Variants in ACVR2B observed in about 807,000 individuals in gnomAD.
The protein encoded by ACVR2B is activin receptor type-2B.
Under a neutral mutation model 65.1 loss-of-function variants are expected in ACVR2B, and 18 were observed. That is an observed-to-expected ratio of 0.28 (90% CI 0.19 to 0.41). The LOEUF is 0.41. Ranked by LOEUF, ACVR2B falls within the 10% of genes least tolerant of loss-of-function variation. The pLI, the probability that ACVR2B is intolerant of heterozygous loss-of-function variation, is 1.00. For missense variants in ACVR2B, 482 were observed against 682.7 expected, an observed-to-expected ratio of 0.71 and a Z score of 3.28; for synonymous variants, 298 against 277.7, an observed-to-expected ratio of 1.07 and a Z score of -0.73.
At chr3:38,458,181 A>G (rs1262283713) in intron 1 of ACVR2B, among the ~76,000 whole-genome samples, 1 of 152,138 alleles carries the variant, frequency 6.6e-6, no homozygotes, top group Non-Finnish European at 1.5e-5. Context: ...CTGGGCATCA[A>G]GAATCTCCAG....
intron 1 of ACVR2B, among the ~76,000 whole-genome samples, chr3:38,457,339 A>C (rs1463551618): frequency 6.6e-6 from 1 of 152,188 alleles, no homozygotes; most frequent in Non-Finnish European, 1.5e-5. Flanking sequence ...AACATCCTCA[A>C]CTCTAACTTT....
In ACVR2B at chr3:38,477,528, C is replaced by A. The variant is rs769479767; in HGVS notation, c.260+34C>A. Reference sequence around the variant, plus strand: ...AGACTTGCCCTCCTTTCCTCTTGGACCCACCTGCGCTTATACTGCCCACTG... The same window carrying A: ...AGACTTGCCCTCCTTTCCTCTTGGAACCACCTGCGCTTATACTGCCCACTG... On this transcript the variant is annotated intron_variant, in intron 2 of 10. Coordinates refer to ENST00000352511, the MANE Select transcript of ACVR2B (RefSeq NM_001106.4). The surrounding 1 kb of genome is among the most constrained non-coding windows in gnomAD (Gnocchi z 6.7). The A allele has an allele frequency of 2.6e-5, 42 of 1,602,878 alleles. No individual in the cohort carries two copies. The Admixed American group carries it at 6.8e-4, about 26-fold the overall frequency.
intron 5 of ACVR2B, 65 bp from the exon 6 acceptor site, chr3:38,479,063 G>T (rs1185599662): frequency 4.6e-5 from 73 of 1,600,226 alleles, no homozygotes; most frequent in Non-Finnish European, 6.2e-5. Context: ...CTGCTGTAGG[G>T]CAATGTGACT....
chr3:38,457,405 G>A (rs1364529651), intron 1 of ACVR2B, among the ~76,000 whole-genome samples: 1 of 152,182 alleles, frequency 6.6e-6, no homozygotes, highest in Admixed American at 6.5e-5. Flanking sequence ...ATTAGACAAT[G>A]GAATCTCAGA....
chr3:38,484,813 A>G lies in ACVR2B; in HGVS notation c.*1481A>G, dbSNP rs1467758071. On this transcript the variant is annotated 3_prime_UTR_variant, in exon 11 of 11. Coordinates refer to ENST00000352511, the MANE Select transcript of ACVR2B (RefSeq NM_001106.4). Reference sequence around the variant, plus strand: ...TACCTCAGAATTTTCTACTTATGTAAGGTTTATTATATATTTTGTTAGTTG... The same window carrying G: ...TACCTCAGAATTTTCTACTTATGTAGGGTTTATTATATATTTTGTTAGTTG... 6.6e-6 allele frequency: 1 copy of G among 152,636 alleles called. No homozygotes were observed. Among genetic ancestry groups the G allele is most frequent in the Non-Finnish European group, 1.5e-5 (1 of 68,034 alleles). The allele number at this position is 152,636 out of a possible 1,614,324, so 9.5% of individuals were successfully genotyped here. A position where few individuals can be genotyped will look rare whatever the true frequency, so the allele number is the denominator to read the frequency against.
At position 38,489,411 on chromosome 3, in the gene ACVR2B, G is replaced by C. The variant is rs1710175690; in HGVS notation, c.*6079G>C. 1 of 152,580 alleles carries C rather than the reference G, an allele frequency of 6.6e-6. No homozygotes were observed. The highest frequency in any genetic ancestry group is 1.5e-5 in the Non-Finnish European group (1 of 68,026). 9.5% of individuals were successfully genotyped at this position (152,580 alleles called of 1,614,324 possible). On this transcript the variant is annotated 3_prime_UTR_variant, in exon 11 of 11. Transcript: ENST00000352511. The stretch of plus-strand genomic sequence containing the variant: ...TACCTTTCAAGAGAAACGTACACTG[G>C]AGCATGAGTGGTGTGGAACTTTTAC...
intron 1 of ACVR2B, among the ~76,000 whole-genome samples, chr3:38,455,250 G>A (rs1709527432): frequency 6.6e-6 from 1 of 152,092 alleles, no homozygotes; most frequent in Non-Finnish European, 1.5e-5. Flanking sequence ...CAGTGGTGCC[G>A]GGGTGCGCCT....
At chr3:38,455,574 C>T (rs944948070) in intron 1 of ACVR2B, among the ~76,000 whole-genome samples, 1 of 152,100 alleles carries the variant, frequency 6.6e-6, no homozygotes, top group Non-Finnish European at 1.5e-5. Flanking sequence ...TTCTCCTGTG[C>T]GTCGTCGTGA....
chr3:38,454,239 C>A lies in ACVR2B; in HGVS notation c.-84C>A. Reference sequence around the variant, plus strand: ...GGAAGGAGCGGGAAGGAGAGCGCAGCCGCCGCCTGGCCCTGCGCGCCCCGG... The same window carrying A: ...GGAAGGAGCGGGAAGGAGAGCGCAGACGCCGCCTGGCCCTGCGCGCCCCGG... On this transcript the variant is annotated 5_prime_UTR_variant, in exon 1 of 11. Transcript: ENST00000352511. The A allele has an allele frequency of 1.9e-6, 2 of 1,026,230 alleles. No homozygotes were observed. The highest frequency in any genetic ancestry group is 2.4e-6 in the Non-Finnish European group (2 of 820,230). 63.6% of individuals were successfully genotyped at this position (1,026,230 alleles called of 1,614,324 possible). A position where few individuals can be genotyped will look rare whatever the true frequency, so the allele number is the denominator to read the frequency against.
intron 1 of ACVR2B, among the ~76,000 whole-genome samples, chr3:38,469,678 A>G (rs1247805407): frequency 3.9e-5 from 6 of 152,366 alleles, no homozygotes; most frequent in African/African-American, 1.4e-4. Context: ...CAGAAATATA[A>G]GTTACCTTTG....
In ACVR2B at chr3:38,483,065, C is replaced by T; in HGVS notation, c.1345-73C>T. ...CTGATCCTTGGGAATATCAAGTTTA[C>T]TGTCCCCCAAAGCTTTTCCTCACTG... is the stretch of plus-strand genomic sequence containing the variant. On this transcript the variant is annotated intron_variant, in intron 10 of 10. Transcript: ENST00000352511. This position sits in a 1 kb window ranked among gnomAD's most constrained non-coding sequence, Gnocchi z 4.8. 1 of 1,553,158 alleles carries T rather than the reference C, an allele frequency of 6.4e-7. No individual in the cohort carries two copies. Among genetic ancestry groups the T allele is most frequent in the South Asian group, 1.1e-5 (1 of 89,742 alleles).
rs1710077205 is a variant in ACVR2B at position 38,484,355 on chromosome 3, G to A, written c.*1023G>A. ...AATACTTTTGTTTCCTCTTGGAGCAGTTCAGGGAAATGCCCACAGGGGATT... is the reference window on the plus strand; with the variant it reads ...AATACTTTTGTTTCCTCTTGGAGCAATTCAGGGAAATGCCCACAGGGGATT... On this transcript the variant is annotated 3_prime_UTR_variant, in exon 11 of 11. Coordinates refer to ENST00000352511, the MANE Select transcript of ACVR2B (RefSeq NM_001106.4). 1 of 152,236 alleles carries A rather than the reference G, an allele frequency of 6.6e-6. No homozygotes were observed. Among genetic ancestry groups the A allele is most frequent in the South Asian group, 2.1e-4 (1 of 4,836 alleles). The allele number at this position is 152,236 out of a possible 1,614,324, so 9.4% of individuals were successfully genotyped here. A position where few individuals can be genotyped will look rare whatever the true frequency, so the allele number is the denominator to read the frequency against.
chr3:38,458,108 C>G (rs1435230241), intron 1 of ACVR2B, among the ~76,000 whole-genome samples: 2 of 152,166 alleles, frequency 1.3e-5, no homozygotes, highest in African/African-American at 4.8e-5. Flanking sequence ...AACATAAGAT[C>G]TAAACCCTAT....
rs1414172981 is a variant in ACVR2B at position 38,481,990 on chromosome 3, T to C, written c.1075-208T>C. On this transcript the variant is annotated intron_variant, in intron 8 of 10. Transcript: ENST00000352511. This position sits in a 1 kb window ranked among gnomAD's most constrained non-coding sequence, Gnocchi z 4.7. ...TTACTATTATCTCCAGGATATAGTA[T>C]TTAAAAATTATTAGCCAAGTATAAT... is the stretch of plus-strand genomic sequence containing the variant. Among the ~76,000 whole-genome samples, 1 of 152,202 alleles carries C rather than the reference T, an allele frequency of 6.6e-6. No homozygotes were observed. Among genetic ancestry groups the C allele is most frequent in the Non-Finnish European group, 1.5e-5 (1 of 68,040 alleles).
intron 1 of ACVR2B, among the ~76,000 whole-genome samples, chr3:38,472,282 G>A (rs1162022909): frequency 1.3e-5 from 2 of 152,092 alleles, no homozygotes; most frequent in East Asian, 1.9e-4. Context: ...GCCCTCCTTC[G>A]CTCTTATGGA....
In ACVR2B at chr3:38,493,063, C is replaced by T. The variant is rs535915454; in HGVS notation, c.*9731C>T. The T allele has an allele frequency of 1.2e-4, 19 of 152,626 alleles. No homozygotes were observed. The highest frequency in any genetic ancestry group is 2.2e-4 in the Non-Finnish European group (15 of 68,010). The allele number at this position is 152,626 out of a possible 1,614,324, so 9.5% of individuals were successfully genotyped here. A position where few individuals can be genotyped will look rare whatever the true frequency, so the allele number is the denominator to read the frequency against. The stretch of plus-strand genomic sequence containing the variant: ...CCCCCTGTGTGAAGAAGCAGTTACA[C>T]CCCAACAATAGGAGGAAAAATCTAG... On this transcript the variant is annotated 3_prime_UTR_variant, in exon 11 of 11. Transcript: ENST00000352511.
rs936545586 is a variant in ACVR2B, at chr3:38,478,189, C to T, written c.419C>T (p.Ala140Val). 4.3e-6 allele frequency: 7 copies of T among 1,613,562 alleles called. No homozygotes were observed. The African/African-American group carries it at 5.3e-5, about 12-fold the overall frequency. Reference protein sequence around the residue: ...PTAPTLLTVLAYSLLPIGGLS... With the variant: ...PTAPTLLTVLVYSLLPIGGLS... ...GCCCCCACCCTGCTCACGGTGCTGG[C>T]CTACTCACTGCTGCCCATCGGGGGC... The change falls in exon 4 of 11, where the codon GCC (alanine) becomes GTC (valine). Residue 140 changes from alanine (A) to valine (V), a missense_variant. Physicochemically the swap from Ala to Val is moderately conservative, Grantham distance 64. Transcript: ENST00000352511.
At chr3:38,455,010 G>A (rs1709521397) in intron 1 of ACVR2B, among the ~76,000 whole-genome samples, 1 of 152,108 alleles carries the variant, frequency 6.6e-6, no homozygotes, top group African/African-American at 2.4e-5. Context: ...TGGGAGGGGA[G>A]GGGGTGGGTA....
At chr3:38,469,184 A>G (rs548903973) in intron 1 of ACVR2B, among the ~76,000 whole-genome samples, 1 of 152,340 alleles carries the variant, frequency 6.6e-6, no homozygotes, top group South Asian at 2.1e-4. Flanking sequence ...GAAATGCTGG[A>G]AAAAGTATAA....
Sources: allele counts gnomAD v4.1 joint callset (sites outside exome capture counted in the v4.1 genomes callset), GRCh38; gene constraint gnomAD v4.1.1; non-coding constraint Gnocchi (gnomAD v3.1); transcripts MANE v1.5; gene names NCBI Gene and HGNC (gene_info 2026-07-23, HGNC 2026-07-21).